ITGB2: variants seen among roughly 807,000 people sequenced by gnomAD.
ITGB2 encodes the protein integrin beta-2.
In ITGB2, 56 loss-of-function variants were observed where a neutral mutation model predicts 86.8. The ratio of observed to expected loss-of-function variants is 0.65; its 90% CI spans 0.52 to 0.81. The LOEUF is 0.81. Among genes scored for constraint, ITGB2 ranks in the 30% least tolerant of loss-of-function variants. ITGB2 has a pLI of 0.00. For missense variants in ITGB2, 948 were observed against 1,061.2 expected (o/e 0.89, Z 1.48); for synonymous variants, 457 against 450.4 (o/e 1.01, Z -0.19).
chr21:44,903,998 C>A (rs1163752719), intron 4 of ITGB2, among the ~76,000 whole-genome samples: 1 of 152,188 alleles, frequency 6.6e-6, no homozygotes, highest in Non-Finnish European at 1.5e-5. Flanking sequence ...TCCATCCCAG[C>A]CCTGGACTTC....
At chr21:44,919,872 G>GGT (rs1179571904) in intron 1 of ITGB2, among the ~76,000 whole-genome samples, 213 of 147,284 alleles carry the variant, frequency 1.4e-3, no homozygotes, top group African/African-American at 3.6e-3. Context: ...CAGGGGTGGA[G>GGT]GATGCATGGG....
chr21:44,898,304 G>A (rs1268611778), intron 8 of ITGB2, among the ~76,000 whole-genome samples: 1 of 152,192 alleles, frequency 6.6e-6, no homozygotes, highest in Non-Finnish European at 1.5e-5. Context: ...ACCCCTGCAG[G>A]GAGGGGACAC....
chr21:44,907,360 A>T (rs1239974526), intron 3 of ITGB2, among the ~76,000 whole-genome samples: 9 of 152,052 alleles, frequency 5.9e-5, no homozygotes, highest in Non-Finnish European at 4.4e-5. Flanking sequence ...CTCAGGACCT[A>T]CTCTCCAGCC....
At chr21:44,887,710 G>A (rs945493044) in intron 14 of ITGB2, among the ~76,000 whole-genome samples, 4 of 152,186 alleles carry the variant, frequency 2.6e-5, no homozygotes, top group Non-Finnish European at 4.4e-5. Context: ...GAAGTGACTT[G>A]GCCAGGATTG....
chr21:44,891,116 G>A (rs1470565154), intron 11 of ITGB2, among the ~76,000 whole-genome samples: 3 of 152,236 alleles, frequency 2.0e-5, no homozygotes, highest in Non-Finnish European at 4.4e-5. Context: ...AGAGTCCTGG[G>A]AGGTCAGCCT....
intron 3 of ITGB2, among the ~76,000 whole-genome samples, chr21:44,908,527 C>A (rs773379595): frequency 4.6e-5 from 7 of 152,220 alleles, no homozygotes; most frequent in Non-Finnish European, 1.0e-4. Context: ...AACCCCCAGT[C>A]AAGTTCCCCA....
In ITGB2 at chr21:44,910,297, C is replaced by A; in HGVS notation, c.134G>T (p.Trp45Leu). The A allele has an allele frequency of 6.2e-7, 1 of 1,614,060 alleles. No homozygotes were observed. The highest frequency in any genetic ancestry group is 8.5e-7 in the Non-Finnish European group (1 of 1,180,006). Residue 45 changes from tryptophan to leucine, a missense_variant, in exon 3 of 16, where the codon TGG (tryptophan) becomes TTG (leucine). Transcript: ENST00000652462. The part of the protein sequence containing the change: ...ECIESGPGCT[W>L]CQKLNFTGPG... ...GGAGGCACTTACCAGCTTCTGGCAC[C>A]AGGTGCAGCCGGGCCCCGACTCGAT...
At chr21:44,889,582 C>A in intron 12 of ITGB2, 87 bp from the exon 13 acceptor site, 3 of 1,191,378 alleles carry the variant, frequency 2.5e-6, no homozygotes, top group Non-Finnish European at 3.6e-6. Context: ...CTCCCTCCGG[C>A]CCGCCTGCCT....
rs1337054225 is a variant in ITGB2, at chr21:44,892,147, G to C, written c.1225-151C>G. 27 of 799,942 alleles carry C rather than the reference G, an allele frequency of 3.4e-5. No individual in the cohort carries two copies. In the East Asian group the frequency reaches 6.2e-4, roughly 18 times the overall value. 49.6% of individuals were successfully genotyped at this position (799,942 alleles called of 1,614,324 possible). ...CAGGAGCAGGAAGAGCTGATGCTCAGATCCGAGAGCCAAAGTCAGCCGGCA... is the reference window on the plus strand; with the variant it reads ...CAGGAGCAGGAAGAGCTGATGCTCACATCCGAGAGCCAAAGTCAGCCGGCA... On this transcript the variant is annotated intron_variant, in intron 10 of 15. Coordinates refer to ENST00000652462, the MANE Select transcript of ITGB2 (RefSeq NM_000211.5).
chr21:44,919,280 C>T (rs959510147), intron 1 of ITGB2, among the ~76,000 whole-genome samples: 46 of 152,176 alleles, frequency 3.0e-4, no homozygotes, highest in Admixed American at 1.3e-3. Flanking sequence ...CCTGCAGGGA[C>T]GTAGCCAGGG....
intron 1 of ITGB2, among the ~76,000 whole-genome samples, chr21:44,919,251 G>T (rs1008190343): frequency 2.4e-4 from 37 of 152,216 alleles, no homozygotes; most frequent in Non-Finnish European, 4.0e-4. Flanking sequence ...TGGGGCCGAG[G>T]CATGGGCTCA....
At chr21:44,921,252 C>A (rs5030666), upstream of ITGB2, 204 of 152,290 alleles carry the variant, frequency 1.3e-3, 1 homozygote, top group Middle Eastern at 3.4e-3. Flanking sequence ...TGCTACAGAG[C>A]GGAATGAAAA....
At chr21:44,905,438 G>A (rs2084028548) in intron 4 of ITGB2, among the ~76,000 whole-genome samples, 1 of 152,034 alleles carries the variant, frequency 6.6e-6, no homozygotes, top group African/African-American at 2.4e-5. Context: ...CACGGCACAA[G>A]GATGCCCCCA....
At chr21:44,925,560 C>A (rs1273574326), upstream of ITGB2, among the ~76,000 whole-genome samples, 1 of 152,148 alleles carries the variant, frequency 6.6e-6, no homozygotes, top group Non-Finnish European at 1.5e-5. Context: ...TGTGGTCTAA[C>A]CCTAACCAGA....
rs1348764876 is a variant in ITGB2, at chr21:44,918,350, T to G, written c.-4+2471A>C. On this transcript the variant is annotated intron_variant, in intron 1 of 15. Transcript: ENST00000652462. The stretch of plus-strand genomic sequence containing the variant: ...TCGCCACAGGCGTCACGCTGCCCCA[T>G]CCACAGAGGCAAATGTCCCACAGCC... Among the ~76,000 whole-genome samples, 3 of 152,186 alleles carry G rather than the reference T, an allele frequency of 2.0e-5. No homozygotes were observed. The East Asian group carries it at 5.8e-4, about 29-fold the overall frequency.
chr21:44,905,766 G>A (rs965158564), intron 4 of ITGB2, among the ~76,000 whole-genome samples: 13 of 152,100 alleles, frequency 8.5e-5, no homozygotes, highest in Admixed American at 5.9e-4. Flanking sequence ...GCTCCTGCAG[G>A]ACCTCCCCAA....
chr21:44,910,173 C>T, intron 3 of ITGB2, 111 bp downstream of exon 3: 1 of 1,436,472 alleles, frequency 7.0e-7, no homozygotes, highest in Non-Finnish European at 9.4e-7. Flanking sequence ...TGGGGACCCC[C>T]TCAAAAAGAA....
intron 9 of ITGB2, 28 bp from the exon 10 acceptor site, chr21:44,893,572 G>A: frequency 1.2e-6 from 2 of 1,612,768 alleles, no homozygotes; most frequent in South Asian, 2.2e-5. Context: ...TTACTCTTGG[G>A]GGCGAGTGTT....
At chr21:44,917,577 G>C (rs1181206974) in intron 1 of ITGB2, among the ~76,000 whole-genome samples, 1 of 152,132 alleles carries the variant, frequency 6.6e-6, no homozygotes, top group Non-Finnish European at 1.5e-5. Flanking sequence ...CTGCTGGCAT[G>C]GGCTTGTTGC....
Sources: allele counts gnomAD v4.1 joint callset (sites outside exome capture counted in the v4.1 genomes callset), GRCh38; gene constraint gnomAD v4.1.1; transcripts MANE v1.5; gene names NCBI Gene and HGNC (gene_info 2026-07-23, HGNC 2026-07-21).